Variants in CHSY1 observed in about 807,000 individuals in gnomAD.
CHSY1 encodes N-acetylgalactosaminyl-proteoglycan 3-beta-glucuronosyltransferase 1.
A neutral mutation model predicts 59.8 loss-of-function variants in CHSY1; 13 were observed. The observed-to-expected ratio is 0.22, with a 90% CI of 0.14 to 0.35. The LOEUF is 0.35. Among genes scored for constraint, CHSY1 ranks in the 10% least tolerant of loss-of-function variants. The probability of loss-of-function intolerance (pLI) is 1.00; values close to 1 mark genes in which losing one functional copy is unlikely to be tolerated. For missense variants in CHSY1, 947 were observed against 1,030.6 expected (o/e 0.92, Z 1.11); for synonymous variants, 459 against 401.2 (o/e 1.14, Z -1.72).
chr15:101,221,707 A>G (rs2038790547), intron 2 of CHSY1, among the ~76,000 whole-genome samples: 1 of 152,198 alleles, frequency 6.6e-6, no homozygotes, highest in Non-Finnish European at 1.5e-5. Context: ...ATTTTAAATA[A>G]AAGTTGTGTC....
At chr15:101,218,623 C>T (rs76141243) in intron 2 of CHSY1, among the ~76,000 whole-genome samples, 1,715 of 152,194 alleles carry the variant, frequency 0.011, 33 homozygotes, top group African/African-American at 0.039. Context: ...GTTAAACTTA[C>T]GTTAAAACAG....
intron 2 of CHSY1, among the ~76,000 whole-genome samples, chr15:101,206,397 G>A (rs2038627081): frequency 1.3e-5 from 2 of 152,096 alleles, no homozygotes; most frequent in Admixed American, 1.3e-4. Context: ...TCGCAGTGAG[G>A]GAGGACATGG....
rs749381332 is a variant in CHSY1 at position 101,235,500 on chromosome 15, A to G, written c.398T>C (p.Val133Ala). The change falls in exon 2 of 3, where the codon GTA (valine) becomes GCA (alanine). Residue 133 changes from valine to alanine, a missense_variant. This residue lies in a region of CHSY1 where 232 missense variants were observed against 188.5 expected (regional missense o/e 1.23). Transcript: ENST00000254190. ...EGSDTSVPIP[V>A]VPLRGVDDSY... ...GTCGTCCACACCCCGTAGTGGCACT[A>G]CTGGAATTGGTACAGATGTGTCAGA... The G allele has an allele frequency of 2.5e-6, 4 of 1,614,148 alleles. No homozygotes were observed. Among genetic ancestry groups the G allele is most frequent in the Non-Finnish European group, 3.4e-6 (4 of 1,180,010 alleles).
At chr15:101,181,963 T>TAG (rs2038286395) in intron 2 of CHSY1, among the ~76,000 whole-genome samples, 1 of 152,174 alleles carries the variant, frequency 6.6e-6, no homozygotes. Flanking sequence ...TAAAGGAAGC[T>TAG]AGAGAAAAGA....
chr15:101,190,061 C>T (rs867918621), intron 2 of CHSY1, among the ~76,000 whole-genome samples: 3 of 152,142 alleles, frequency 2.0e-5, no homozygotes, highest in Non-Finnish European at 4.4e-5. Context: ...AGGTTTGGAC[C>T]CTAGGTTTTG....
At chr15:101,180,443 C>T (rs551348517) in intron 2 of CHSY1, among the ~76,000 whole-genome samples, 1 of 152,324 alleles carries the variant, frequency 6.6e-6, no homozygotes, top group South Asian at 2.1e-4. Context: ...CTGTGGCACA[C>T]TTTTCTAATT....
intron 2 of CHSY1, among the ~76,000 whole-genome samples, chr15:101,194,988 A>C (rs2038489287): frequency 6.6e-6 from 1 of 152,244 alleles, no homozygotes; most frequent in African/African-American, 2.4e-5. Flanking sequence ...AGAGGGATTC[A>C]TGAATGAAAA....
chr15:101,197,031 C>T (rs376325048), intron 2 of CHSY1, among the ~76,000 whole-genome samples: 1 of 152,194 alleles, frequency 6.6e-6, no homozygotes, highest in Admixed American at 6.5e-5. Flanking sequence ...TACATCTATA[C>T]AGATACTCAA....
At chr15:101,201,130 C>T (rs1301126479) in intron 2 of CHSY1, among the ~76,000 whole-genome samples, 2 of 10,928 alleles carry the variant, frequency 1.8e-4, no homozygotes, top group African/African-American at 6.9e-4. Flanking sequence ...GGGAGGTGGT[C>T]GGGGGTGGCG....
At chr15:101,190,884 C>G (rs1156515294) in intron 2 of CHSY1, among the ~76,000 whole-genome samples, 3 of 152,120 alleles carry the variant, frequency 2.0e-5, no homozygotes, top group Admixed American at 1.3e-4. Context: ...CGAGATGCCA[C>G]GACACACCTA....
At chr15:101,245,810 T>C (rs987590299) in intron 1 of CHSY1, among the ~76,000 whole-genome samples, 2 of 152,242 alleles carry the variant, frequency 1.3e-5, no homozygotes, top group Non-Finnish European at 2.9e-5. Context: ...ATTCACGATC[T>C]GAAATGACTT....
At chr15:101,246,477 C>T (rs908144309) in intron 1 of CHSY1, among the ~76,000 whole-genome samples, 3 of 151,540 alleles carry the variant, frequency 2.0e-5, no homozygotes, top group Non-Finnish European at 4.4e-5. Flanking sequence ...CAAAGGGGAA[C>T]TTGTCCACCG....
chr15:101,227,746 A>G (rs1045876470), intron 2 of CHSY1, among the ~76,000 whole-genome samples: 1 of 152,118 alleles, frequency 6.6e-6, no homozygotes, highest in African/African-American at 2.4e-5. Context: ...TATACAAGAG[A>G]CCCTCAGCAA....
chr15:101,210,656 T>C (rs889101576), intron 2 of CHSY1, among the ~76,000 whole-genome samples: 1 of 152,202 alleles, frequency 6.6e-6, no homozygotes, highest in African/African-American at 2.4e-5. Context: ...ATGAAGCAGC[T>C]GATTCAAAAC....
At chr15:101,228,854 T>G (rs1157476867) in intron 2 of CHSY1, among the ~76,000 whole-genome samples, 1 of 152,214 alleles carries the variant, frequency 6.6e-6, no homozygotes, top group African/African-American at 2.4e-5. Flanking sequence ...TGTAATTCCT[T>G]TTTTCTCTGA....
intron 1 of CHSY1, 126 bp from the exon 2 acceptor site, chr15:101,235,703 G>T: frequency 9.6e-7 from 1 of 1,042,940 alleles, no homozygotes; most frequent in Non-Finnish European, 1.4e-6. Flanking sequence ...TGGCCTGCTT[G>T]GTTCCTCTTA....
intron 2 of CHSY1, among the ~76,000 whole-genome samples, chr15:101,184,229 T>C (rs528149858): frequency 2.4e-4 from 36 of 152,220 alleles, no homozygotes; most frequent in Middle Eastern, 3.4e-3. Flanking sequence ...AGAGTGTGTG[T>C]GCTAAGGGGG....
rs143362078 is a variant in CHSY1 at position 101,195,503 on chromosome 15, G to C, written c.817-16523C>G. Among the ~76,000 whole-genome samples the C allele has an allele frequency of 1.2e-3, 176 of 152,310 alleles. 2 individuals carry two copies. In the East Asian group the frequency reaches 0.028, roughly 24 times the overall value. On this transcript the variant is annotated intron_variant, in intron 2 of 2. Coordinates refer to ENST00000254190, the MANE Select transcript of CHSY1 (RefSeq NM_014918.5). ...GGTATAAGTCATGTGTCAACCGAAA[G>C]CTACAAACTTTTTATTACATTTTTT...
At chr15:101,239,584 G>A (rs1253722467) in intron 1 of CHSY1, among the ~76,000 whole-genome samples, 1 of 152,210 alleles carries the variant, frequency 6.6e-6, no homozygotes, top group Non-Finnish European at 1.5e-5. Flanking sequence ...ATGTAAGTAT[G>A]ACTTATTATT....
Sources: gnomAD v4.1 joint callset for allele counts (sites outside exome capture counted in the v4.1 genomes callset) on GRCh38, gnomAD v4.1.1 for gene constraint, gnomAD v4.1.1 regional missense constraint, MANE v1.5 for transcripts, NCBI Gene and HGNC (gene_info 2026-07-23, HGNC 2026-07-21) for gene names.